Variants in LRRIQ3 observed in about 807,000 individuals in gnomAD.
LRRIQ3 encodes leucine rich repeats and IQ motif containing 3, also known as leucine-rich repeat and IQ domain-containing protein 3.
Under a neutral mutation model 59.3 loss-of-function variants are expected in LRRIQ3, and 75 were observed. The observed-to-expected ratio is 1.26, with a 90% CI of 1.05 to 1.53. The LOEUF (loss-of-function observed/expected upper bound fraction) is 1.53, where lower values mean the gene tolerates loss of function less well. Among genes scored for constraint, LRRIQ3 ranks in the 40% most tolerant of loss-of-function variants. The probability of loss-of-function intolerance (pLI) is 0.00; values close to 1 mark genes in which losing one functional copy is unlikely to be tolerated. For synonymous variants in LRRIQ3, 250 were observed against 231.3 expected (o/e 1.08, Z -0.73); for missense variants, 831 against 710.0 (o/e 1.17, Z -1.94).
chr1:74,055,811 A>G (rs1654515784), intron 6 of LRRIQ3, among the ~76,000 whole-genome samples: 1 of 152,150 alleles, frequency 6.6e-6, no homozygotes. Context: ...TATCAGATGC[A>G]GGAAAAGCAC....
At chr1:74,087,909 C>T (rs952461763) in intron 5 of LRRIQ3, among the ~76,000 whole-genome samples, 1 of 151,728 alleles carries the variant, frequency 6.6e-6, no homozygotes, top group Non-Finnish European at 1.5e-5. Flanking sequence ...CCAGCCTGGC[C>T]AATACGGTGA....
intron 6 of LRRIQ3, among the ~76,000 whole-genome samples, chr1:74,066,216 C>G (rs1022624393): frequency 6.7e-6 from 1 of 149,498 alleles, no homozygotes; most frequent in African/African-American, 2.5e-5. Context: ...TAAAAATGTA[C>G]CCATACCTTA....
chr1:74,174,297 G>T (rs1649506993), intron 3 of LRRIQ3, among the ~76,000 whole-genome samples: 1 of 151,250 alleles, frequency 6.6e-6, no homozygotes, highest in African/African-American at 2.4e-5. Flanking sequence ...GCTTGACTGA[G>T]TCTACTGTTG....
At chr1:74,070,935 C>A (rs967367364) in intron 6 of LRRIQ3, among the ~76,000 whole-genome samples, 1 of 150,866 alleles carries the variant, frequency 6.6e-6, no homozygotes, top group African/African-American at 2.4e-5. Flanking sequence ...CTATTGCATG[C>A]CTTTAGCAGG....
chr1:74,177,796 T>C (rs961009778), intron 3 of LRRIQ3, among the ~76,000 whole-genome samples: 7 of 152,052 alleles, frequency 4.6e-5, no homozygotes, highest in African/African-American at 1.7e-4. Context: ...GGATATTTAA[T>C]TGTACTTAGC....
In LRRIQ3 at chr1:74,115,522, A is replaced by G. The variant is rs557645653; in HGVS notation, c.708-5969T>C. Among the ~76,000 whole-genome samples the G allele has an allele frequency of 3.3e-5, 5 of 152,188 alleles. No homozygotes were observed. In the East Asian group the frequency reaches 7.7e-4, roughly 24 times the overall value. Reference sequence around the variant, plus strand: ...TCATTACAAAATAGAAAATAACTCAAGAGTTCAAAATAAAATGGGGTGTTT... The same window carrying G: ...TCATTACAAAATAGAAAATAACTCAGGAGTTCAAAATAAAATGGGGTGTTT... On this transcript the variant is annotated intron_variant, in intron 4 of 7. Transcript: ENST00000354431.
chr1:74,165,690 T>C (rs72962144), intron 3 of LRRIQ3, among the ~76,000 whole-genome samples: 14 of 151,816 alleles, frequency 9.2e-5, no homozygotes, highest in African/African-American at 2.9e-4. Context: ...CTTTCACCAT[T>C]AAGCATAATG....
intron 3 of LRRIQ3, among the ~76,000 whole-genome samples, chr1:74,156,818 G>A (rs901966939): frequency 6.6e-6 from 1 of 152,028 alleles, no homozygotes; most frequent in African/African-American, 2.4e-5. Context: ...ATTTGAGATC[G>A]TAGGCTCAGT....
intron 3 of LRRIQ3, among the ~76,000 whole-genome samples, chr1:74,171,302 G>T (rs533706380): frequency 6.6e-6 from 1 of 152,136 alleles, no homozygotes; most frequent in South Asian, 2.1e-4. Context: ...TCCTTATATT[G>T]CATTGAGGGA....
At chr1:74,057,056 A>G (rs974820717) in intron 6 of LRRIQ3, among the ~76,000 whole-genome samples, 2 of 152,150 alleles carry the variant, frequency 1.3e-5, no homozygotes, top group South Asian at 4.1e-4. Flanking sequence ...CCAGCCATGC[A>G]GAACTGTGAG....
chr1:74,084,815 T>TGG (rs1225832263), intron 5 of LRRIQ3, among the ~76,000 whole-genome samples: 3 of 151,804 alleles, frequency 2.0e-5, no homozygotes, highest in Non-Finnish European at 3.0e-5. Context: ...GAATCTACTA[T>TGG]TCATTAATTT....
chr1:74,109,543 A>G lies in LRRIQ3; in HGVS notation c.718T>C (p.Phe240Leu). The G allele has an allele frequency of 6.4e-7, 1 of 1,558,726 alleles. No homozygotes were observed. The highest frequency in any genetic ancestry group is 8.6e-7 in the Non-Finnish European group (1 of 1,160,116). Residue 240 changes from phenylalanine (F) to leucine (L), a missense_variant, in exon 5 of 8, where the codon TTC (phenylalanine) becomes CTC (leucine). Transcript: ENST00000354431. ...TTTTCCTGCTGTTTTTTTTTGTGGA[A>G]AAACACAGGGCTGAATATAAGGGGA... is the stretch of plus-strand genomic sequence containing the variant. ...LVRKNLSPVF[F>L]HKKKQQEKII...
intron 1 of LRRIQ3, among the ~76,000 whole-genome samples, chr1:74,187,237 T>C (rs1465332821): frequency 1.3e-5 from 2 of 152,068 alleles, no homozygotes; most frequent in Admixed American, 1.3e-4. Flanking sequence ...TACATGTTTA[T>C]AGCAGCACAA....
In LRRIQ3 at chr1:74,190,628, G is replaced by A. The variant is rs140552372; in HGVS notation, c.1-6944C>T. ...ATGAATGACAATTTACTCTAACATC[G>A]GACACTAAGCCACAGATTCAAGAAA... On this transcript the variant is annotated intron_variant, in intron 1 of 7. Coordinates refer to ENST00000354431, the MANE Select transcript of LRRIQ3 (RefSeq NM_001105659.2). Among the ~76,000 whole-genome samples, 554 of 151,320 alleles carry A rather than the reference G, an allele frequency of 3.7e-3. 5 individuals are homozygous for A. The highest frequency in any genetic ancestry group is 0.013 in the African/African-American group (522 of 41,276).
At chr1:74,107,195 C>A (rs965975955) in intron 5 of LRRIQ3, among the ~76,000 whole-genome samples, 1 of 151,978 alleles carries the variant, frequency 6.6e-6, no homozygotes, top group Admixed American at 6.6e-5. Flanking sequence ...AAGTCAAGCA[C>A]GTTTTATTCC....
At position 74,155,757 on chromosome 1, in the gene LRRIQ3, C is replaced by A. The variant is rs1648280823; in HGVS notation, c.683G>T (p.Gly228Val). 6.4e-7 allele frequency: 1 copy of A among 1,573,914 alleles called. No individual in the cohort carries two copies. Among genetic ancestry groups the A allele is most frequent in the Non-Finnish European group, 8.6e-7 (1 of 1,167,012 alleles). Residue 228 changes from glycine (G) to valine (V), a missense_variant, in exon 4 of 8, where the codon GGT becomes GTT. Gly to Val is a moderately radical substitution (Grantham distance 109). Transcript: ENST00000354431. ...PVLIVQRWIR[G>V]FLVRKNLSPV... ...CCTCAAATTTTTTCTAACTAAGAAA[C>A]CACGTATCCATCTTTGAACAATCAA...
At chr1:74,095,855 A>T (rs1646442935) in intron 5 of LRRIQ3, among the ~76,000 whole-genome samples, 1 of 152,036 alleles carries the variant, frequency 6.6e-6, no homozygotes, top group Admixed American at 6.6e-5. Flanking sequence ...ATTATATCTG[A>T]TGGAGATGTT....
chr1:74,137,314 T>C (rs1647139665), intron 4 of LRRIQ3, among the ~76,000 whole-genome samples: 2 of 152,056 alleles, frequency 1.3e-5, no homozygotes, highest in African/African-American at 4.8e-5. Flanking sequence ...AAAGAAGACA[T>C]TTATGCGGCC....
At chr1:74,075,248 G>A (rs187535292) in intron 5 of LRRIQ3, among the ~76,000 whole-genome samples, 3 of 152,120 alleles carry the variant, frequency 2.0e-5, no homozygotes, top group African/African-American at 7.2e-5. Context: ...AGGGAGAAAC[G>A]GGACCAGAAT....
Sources: gnomAD v4.1 joint callset for allele counts (sites outside exome capture counted in the v4.1 genomes callset) on GRCh38, gnomAD v4.1.1 for gene constraint, MANE v1.5 for transcripts, NCBI Gene and HGNC (gene_info 2026-07-23, HGNC 2026-07-21) for gene names.